PREX1: variants seen among roughly 807,000 people sequenced by gnomAD.
The protein encoded by PREX1 is phosphatidylinositol 3,4,5-trisphosphate-dependent Rac exchanger 1 protein.
In PREX1, 41 loss-of-function variants were observed where a neutral mutation model predicts 198.3. The ratio of observed to expected loss-of-function variants is 0.21; its 90% confidence interval spans 0.16 to 0.27. PREX1 has a LOEUF of 0.27. PREX1 is among the 10% of genes least tolerant of loss of function. PREX1 has a pLI of 1.00. For missense variants in PREX1, 1,620 were observed against 2,200.7 expected (o/e 0.74, Z 5.28); for synonymous variants, 843 against 887.2 (o/e 0.95, Z 0.89).
chr20:48,658,068 A>T, intron 17 of PREX1, 68 bp downstream of exon 17: 2 of 1,442,398 alleles, frequency 1.4e-6, no homozygotes, highest in Non-Finnish European at 1.9e-6. Context: ...TGCCTCAAGG[A>T]GGGTGAAGAG....
chr20:48,659,521 T>G (rs2089574367), intron 16 of PREX1, among the ~76,000 whole-genome samples: 1 of 152,136 alleles, frequency 6.6e-6, no homozygotes, highest in Non-Finnish European at 1.5e-5. Flanking sequence ...TGAGTCAGGC[T>G]TCAGCTCCAA....
intron 24 of PREX1, 39 bp from the exon 25 acceptor site, chr20:48,649,615 C>T: frequency 6.5e-7 from 1 of 1,540,082 alleles, no homozygotes; most frequent in Non-Finnish European, 8.8e-7. Flanking sequence ...GAAAACAGCC[C>T]CCAGCATCCA....
intron 14 of PREX1, among the ~76,000 whole-genome samples, chr20:48,669,050 G>C (rs1322204065): frequency 2.0e-5 from 3 of 152,060 alleles, no homozygotes; most frequent in Non-Finnish European, 4.4e-5. Context: ...CCACCTCCCT[G>C]CAGCCCTCTG....
chr20:48,732,879 C>G (rs1010675143), intron 4 of PREX1, among the ~76,000 whole-genome samples: 1 of 152,104 alleles, frequency 6.6e-6, no homozygotes, highest in Non-Finnish European at 1.5e-5. Context: ...CTCCACCCCA[C>G]CACCTGGAAG....
At chr20:48,838,993 CAAAAAAAAAA>C in the PREX1 span, among the ~76,000 whole-genome samples, 5 of 23,036 alleles carry the variant, frequency 2.2e-4, no homozygotes, top group African/African-American at 5.0e-4. Flanking sequence ...GACTCTGTCT[CAAAAAAAAAA>C]AAAAAAAAAA....
chr20:48,653,563 C>G (rs985430576), intron 19 of PREX1, 66 bp from the exon 20 acceptor site: 1 of 1,556,408 alleles, frequency 6.4e-7, no homozygotes, highest in Non-Finnish European at 8.7e-7. Context: ...TGAACACTGT[C>G]CCCCACCACC....
intron 10 of PREX1, 85 bp from the exon 11 acceptor site, chr20:48,681,420 C>T (rs1821703571): frequency 7.7e-7 from 1 of 1,304,114 alleles, no homozygotes; most frequent in Admixed American, 1.7e-5. Flanking sequence ...TGGCCACATC[C>T]ACCCCTGGGA....
At chr20:48,851,149 T>C in the PREX1 span, among the ~76,000 whole-genome samples, 2 of 152,258 alleles carry the variant, frequency 1.3e-5, no homozygotes, top group Non-Finnish European at 2.9e-5. Flanking sequence ...CCATGGGTCC[T>C]GCAAAGTCTG....
intron 1 of PREX1, among the ~76,000 whole-genome samples, chr20:48,761,149 G>A (rs1378105714): frequency 1.3e-5 from 2 of 152,200 alleles, no homozygotes; most frequent in African/African-American, 4.8e-5. Context: ...TGCGTGTATC[G>A]GAGGACACAG....
intron 9 of PREX1, among the ~76,000 whole-genome samples, chr20:48,690,026 TTGACTC>T (rs1276414621): frequency 6.6e-6 from 1 of 152,152 alleles, no homozygotes; most frequent in Admixed American, 6.5e-5. Flanking sequence ...TACGAAGAGT[TTGACTC>T]TGAGCTGTGG....
At chr20:48,818,823 C>T (rs1307792953) in intron 1 of PREX1, among the ~76,000 whole-genome samples, 23 of 152,208 alleles carry the variant, frequency 1.5e-4, no homozygotes, top group Non-Finnish European at 1.5e-5. Context: ...GTTCATCTCG[C>T]ATCAACAGCC....
At chr20:48,676,726 C>T (rs568728194) in intron 13 of PREX1, among the ~76,000 whole-genome samples, 6 of 152,332 alleles carry the variant, frequency 3.9e-5, no homozygotes, top group African/African-American at 9.6e-5. Flanking sequence ...ACGATGCCAC[C>T]GGCGCCGAGG....
the PREX1 span, among the ~76,000 whole-genome samples, chr20:48,872,602 C>T: frequency 2.0e-5 from 3 of 152,034 alleles, no homozygotes; most frequent in South Asian, 2.1e-4. Context: ...AAAAATTAGC[C>T]GGGTATGGTG....
upstream of PREX1, among the ~76,000 whole-genome samples, chr20:48,829,102 G>C (rs1568657770): frequency 2.0e-5 from 3 of 152,210 alleles, no homozygotes. Context: ...GAAGTACTTA[G>C]CACCTAGAAA....
intron 33 of PREX1, among the ~76,000 whole-genome samples, chr20:48,634,442 G>A (rs1362298700): frequency 6.6e-6 from 1 of 152,162 alleles, no homozygotes; most frequent in Non-Finnish European, 1.5e-5. Context: ...TCTCTTTTAA[G>A]AGCTGTTGGA....
At chr20:48,654,753 T>C (rs2089529364) in intron 19 of PREX1, among the ~76,000 whole-genome samples, 1 of 152,172 alleles carries the variant, frequency 6.6e-6, no homozygotes, top group Non-Finnish European at 1.5e-5. Context: ...GAGGGGCACT[T>C]AGATGCAAAA....
At chr20:48,779,608 A>G (rs1568861370) in intron 1 of PREX1, among the ~76,000 whole-genome samples, 1 of 150,326 alleles carries the variant, frequency 6.7e-6, no homozygotes, top group East Asian at 1.9e-4. Flanking sequence ...AAGCAATTCA[A>G]CATGTGAATG....
chr20:48,654,189 G>C (rs1446004612), intron 19 of PREX1, among the ~76,000 whole-genome samples: 1 of 152,212 alleles, frequency 6.6e-6, no homozygotes, highest in Non-Finnish European at 1.5e-5. Context: ...TCTGTGAAAT[G>C]GGAACGCTCA....
In PREX1 at chr20:48,634,167, GATGGATGC is replaced by G. The variant is rs1267688442; in HGVS notation, c.4267+501_4267+508del. On this transcript the variant is annotated intron_variant, in intron 33 of 39. Coordinates refer to ENST00000371941, the MANE Select transcript of PREX1 (RefSeq NM_020820.4). ...GGGTGGATGGATGGATGGATGGATG[GATGGATGC>G]ATGGATGGATGGATGGATGGATGGA... 6.5e-3 allele frequency among the ~76,000 whole-genome samples: 560 copies of G among 86,690 alleles called. 1 individual carries two copies. Among genetic ancestry groups the G allele is most frequent in the Middle Eastern group, 0.02 (2 of 100 alleles). The allele number at this position is 86,690 out of a possible 152,430, so 56.9% of individuals were successfully genotyped here.
Sources: allele counts gnomAD v4.1 joint callset (sites outside exome capture counted in the v4.1 genomes callset), GRCh38; gene constraint gnomAD v4.1.1; transcripts MANE v1.5; gene names NCBI Gene and HGNC (gene_info 2026-07-23, HGNC 2026-07-21).